CADM1: variants seen among roughly 807,000 people sequenced by gnomAD.
The protein encoded by CADM1 is cell adhesion molecule 1, also known as TSLC-1.
In CADM1, 15 loss-of-function variants were observed where a neutral mutation model predicts 53.1. The observed-to-expected ratio is 0.28, with a 90% CI of 0.19 to 0.44. The LOEUF is 0.44. CADM1 is among the 20% of genes least tolerant of loss of function. The probability of loss-of-function intolerance (pLI) is 1.00; values close to 1 mark genes in which losing one functional copy is unlikely to be tolerated. For missense variants in CADM1, 434 were observed against 611.3 expected (o/e 0.71, Z 3.06); for synonymous variants, 281 against 243.0 (o/e 1.16, Z -1.45).
rs185949592 is a variant in CADM1, at chr11:115,485,925, C to T, written c.124+18346G>A. Among the ~76,000 whole-genome samples, 334 of 152,332 alleles carry T rather than the reference C, an allele frequency of 2.2e-3. 1 individual carries two copies. Among genetic ancestry groups the T allele is most frequent in the African/African-American group, 7.7e-3 (322 of 41,582 alleles). On this transcript the variant is annotated intron_variant, in intron 1 of 11. Coordinates refer to ENST00000331581, the MANE Select transcript of CADM1 (RefSeq NM_001301043.2). ...TGTTCCAGTGATAACTCAAGTTTAA[C>T]ATATCCAAAACCAAGTTCATTGCAT...
chr11:115,336,419 G>T (rs1945268862), intron 1 of CADM1, among the ~76,000 whole-genome samples: 1 of 152,124 alleles, frequency 6.6e-6, no homozygotes, highest in South Asian at 2.1e-4. Context: ...GGTTATAAAA[G>T]ACTTTCAATT....
chr11:115,417,326 C>T (rs750465615), intron 1 of CADM1, among the ~76,000 whole-genome samples: 2 of 152,196 alleles, frequency 1.3e-5, no homozygotes, highest in African/African-American at 2.4e-5. Flanking sequence ...TCTTTACAAA[C>T]TAATTCATGA....
At chr11:115,319,724 T>C (rs142636172) in intron 1 of CADM1, among the ~76,000 whole-genome samples, 321 of 152,280 alleles carry the variant, frequency 2.1e-3, no homozygotes, top group African/African-American at 7.1e-3. Flanking sequence ...AGGTACAGAT[T>C]GTCAATTATT....
intron 1 of CADM1, among the ~76,000 whole-genome samples, chr11:115,446,643 T>C (rs76795072): frequency 2.0e-5 from 3 of 152,268 alleles, no homozygotes; most frequent in East Asian, 1.9e-4. Flanking sequence ...TAAATCAGTA[T>C]GAAAATGACA....
At chr11:115,427,026 C>T (rs999523692) in intron 1 of CADM1, among the ~76,000 whole-genome samples, 4 of 152,130 alleles carry the variant, frequency 2.6e-5, no homozygotes, top group Non-Finnish European at 5.9e-5. Context: ...GAGAACATTA[C>T]TTGGTTCAAC....
At chr11:115,460,215 T>G (rs1023417912) in intron 1 of CADM1, among the ~76,000 whole-genome samples, 1 of 152,076 alleles carries the variant, frequency 6.6e-6, no homozygotes, top group African/African-American at 2.4e-5. Context: ...TACACAAGGG[T>G]TGAAGGACAC....
At chr11:115,485,611 AC>A (rs1949356386) in intron 1 of CADM1, among the ~76,000 whole-genome samples, 1 of 151,908 alleles carries the variant, frequency 6.6e-6, no homozygotes, top group African/African-American at 2.4e-5. Context: ...ATAAGGGGAA[AC>A]CCCTTTAACT....
In CADM1 at chr11:115,400,247, A is replaced by G. The variant is rs541735754; in HGVS notation, c.124+104024T>C. On this transcript the variant is annotated intron_variant, in intron 1 of 11. Transcript: ENST00000331581. ...TACGTGTGTGTCTGTGTTCTACATC[A>G]GGATAGGGAAGAGGCAGGCACAACC... Among the ~76,000 whole-genome samples, 3 of 152,256 alleles carry G rather than the reference A, an allele frequency of 2.0e-5. No individual in the cohort carries two copies. The South Asian group carries it at 6.2e-4, about 32-fold the overall frequency.
chr11:115,340,656 A>AT lies in CADM1; in HGVS notation c.125-100237dup, dbSNP rs1365807207. On this transcript the variant is annotated intron_variant, in intron 1 of 11. Transcript: ENST00000331581. The stretch of plus-strand genomic sequence containing the variant: ...TATATATATATATATATATATATAT[A>AT]TATTTTTTTTTTTTTTTTTTTTGAG... Among the ~76,000 whole-genome samples the AT allele has an allele frequency of 3.5e-3, 185 of 52,310 alleles. 2 individuals are homozygous for AT. Among genetic ancestry groups the AT allele is most frequent in the South Asian group, 0.015 (18 of 1,172 alleles). 34.3% of individuals were successfully genotyped at this position (52,310 alleles called of 152,430 possible).
rs190714980 is a variant in CADM1 at position 115,293,160 on chromosome 11, C to T, written c.125-52740G>A. On this transcript the variant is annotated intron_variant, in intron 1 of 11. Coordinates refer to ENST00000331581, the MANE Select transcript of CADM1 (RefSeq NM_001301043.2). Reference sequence around the variant, plus strand: ...AGCTAAAAGATCCAGGGCCGGGTGACGGTGACTCACGCCTGTAATCCCAGC... The same window carrying T: ...AGCTAAAAGATCCAGGGCCGGGTGATGGTGACTCACGCCTGTAATCCCAGC... Among the ~76,000 whole-genome samples the T allele has an allele frequency of 1.2e-3, 183 of 152,288 alleles. 1 individual carries two copies. The highest frequency in any genetic ancestry group is 4.1e-3 in the African/African-American group (170 of 41,556).
chr11:115,347,254 C>T (rs1051020505), intron 1 of CADM1, among the ~76,000 whole-genome samples: 14 of 152,020 alleles, frequency 9.2e-5, no homozygotes, highest in African/African-American at 3.1e-4. Context: ...TACTAGCCCC[C>T]CCAACTGCTT....
intron 1 of CADM1, among the ~76,000 whole-genome samples, chr11:115,449,748 A>G (rs2135345657): frequency 6.6e-6 from 1 of 152,286 alleles, no homozygotes; most frequent in East Asian, 1.9e-4. Flanking sequence ...TCCCTAAGCC[A>G]ATGTCTAACA....
At chr11:115,294,824 T>C (rs1396400275) in intron 1 of CADM1, among the ~76,000 whole-genome samples, 1 of 152,052 alleles carries the variant, frequency 6.6e-6, no homozygotes, top group Non-Finnish European at 1.5e-5. Flanking sequence ...CATCTGATGT[T>C]AGGAGTTCAA....
chr11:115,459,805 C>T (rs45490692), intron 1 of CADM1, among the ~76,000 whole-genome samples: 274 of 152,276 alleles, frequency 1.8e-3, no homozygotes, highest in Non-Finnish European at 3.3e-3. Context: ...TTCTCTTATC[C>T]TCACACACTT....
intron 2 of CADM1, 141 bp downstream of exon 2, chr11:115,240,133 G>A (rs1225036070): frequency 2.7e-6 from 2 of 747,024 alleles, no homozygotes; most frequent in African/African-American, 3.5e-5. Context: ...ATGATTGCCT[G>A]TCTCTTCTTC....
At chr11:115,232,883 C>CAA (rs1343581230) in intron 3 of CADM1, among the ~76,000 whole-genome samples, 2 of 152,032 alleles carry the variant, frequency 1.3e-5, no homozygotes, top group East Asian at 1.9e-4. Context: ...AGAAGAGAAA[C>CAA]AAGAAATTAA....
intron 4 of CADM1, among the ~76,000 whole-genome samples, chr11:115,230,069 G>A (rs1315492827): frequency 3.3e-5 from 5 of 152,076 alleles, no homozygotes; most frequent in East Asian, 1.9e-4. Context: ...TGTACTTATC[G>A]GTACACATTT....
At chr11:115,250,545 T>C (rs1043184328) in intron 1 of CADM1, among the ~76,000 whole-genome samples, 2 of 152,224 alleles carry the variant, frequency 1.3e-5, no homozygotes, top group African/African-American at 4.8e-5. Context: ...TCTCCACATG[T>C]ATAGAGGCAA....
chr11:115,328,742 A>ACGCG (rs370549217), intron 1 of CADM1, among the ~76,000 whole-genome samples: 24 of 20,588 alleles, frequency 1.2e-3, no homozygotes, highest in African/African-American at 2.0e-3. Flanking sequence ...ACATATATAT[A>ACGCG]TATATAGAAT....
Sources: allele counts gnomAD v4.1 joint callset (sites outside exome capture counted in the v4.1 genomes callset), GRCh38; gene constraint gnomAD v4.1.1; transcripts MANE v1.5; gene names NCBI Gene and HGNC (gene_info 2026-07-23, HGNC 2026-07-21).